Variants in SLC35F3 observed in about 807,000 individuals in gnomAD.
SLC35F3 encodes putative thiamine transporter SLC35F3.
In SLC35F3, 25 loss-of-function variants were observed where a neutral mutation model predicts 49.9. The observed-to-expected ratio is 0.50, with a 90% CI of 0.37 to 0.70. The LOEUF (loss-of-function observed/expected upper bound fraction) is 0.70, where lower values mean the gene tolerates loss of function less well. Ranked by LOEUF, SLC35F3 falls within the 30% of genes least tolerant of loss-of-function variation. The probability of loss-of-function intolerance (pLI) is 0.00; values close to 1 mark genes in which losing one functional copy is unlikely to be tolerated. For synonymous variants in SLC35F3, 275 were observed against 265.4 expected, an observed-to-expected ratio of 1.04 and a Z score of -0.35; for missense variants, 525 against 639.8, an observed-to-expected ratio of 0.82 and a Z score of 1.94.
intron 2 of SLC35F3, among the ~76,000 whole-genome samples, chr1:234,070,327 A>G (rs926644586): frequency 6.6e-6 from 1 of 152,206 alleles, no homozygotes; most frequent in Non-Finnish European, 1.5e-5. Context: ...TACTTCATTA[A>G]TGCTGACATG....
intron 3 of SLC35F3, among the ~76,000 whole-genome samples, chr1:234,263,297 A>G (rs1283651966): frequency 6.6e-6 from 1 of 152,220 alleles, no homozygotes; most frequent in Non-Finnish European, 1.5e-5. Context: ...TTTTAAAAGA[A>G]CAAAAATTTT....
intron 2 of SLC35F3, among the ~76,000 whole-genome samples, chr1:233,930,979 A>G (rs1217971533): frequency 1.3e-5 from 2 of 152,158 alleles, no homozygotes; most frequent in African/African-American, 2.4e-5. Context: ...CTCAGAAATA[A>G]CACCACACAT....
At chr1:234,108,696 T>A (rs58036541) in intron 2 of SLC35F3, among the ~76,000 whole-genome samples, 1 of 108,578 alleles carries the variant, frequency 9.2e-6, no homozygotes, top group Non-Finnish European at 1.7e-5. Flanking sequence ...ATATATAAAA[T>A]ATATATTATA....
rs1667096954 is a variant in SLC35F3, at chr1:234,214,790, G to A, written c.284-16627G>A. 4 of 548,384 alleles carry A rather than the reference G, an allele frequency of 7.3e-6. No individual in the cohort carries two copies. The East Asian group carries it at 1.4e-4, about 19-fold the overall frequency. 34.0% of individuals were successfully genotyped at this position (548,384 alleles called of 1,614,324 possible). A position where few individuals can be genotyped will look rare whatever the true frequency, so the allele number is the denominator to read the frequency against. On this transcript the variant is annotated intron_variant, in intron 2 of 7. Coordinates refer to ENST00000366618, the MANE Select transcript of SLC35F3 (RefSeq NM_173508.4). The surrounding 1 kb of genome is among the most constrained non-coding windows in gnomAD (Gnocchi z 8.0). Reference sequence around the variant, plus strand: ...CTGGCGAGCAGGAGTGAGCTGCTGCGGCGAGTGAGCACCCGGCTCCCCAAC... The same window carrying A: ...CTGGCGAGCAGGAGTGAGCTGCTGCAGCGAGTGAGCACCCGGCTCCCCAAC...
At chr1:233,926,592 T>C (rs776933612) in intron 2 of SLC35F3, among the ~76,000 whole-genome samples, 13 of 152,222 alleles carry the variant, frequency 8.5e-5, no homozygotes, top group Admixed American at 1.3e-4. Flanking sequence ...CTCCTTTAGC[T>C]TGGAGAAGTT....
chr1:233,960,079 G>T (rs1295004557), intron 2 of SLC35F3, among the ~76,000 whole-genome samples: 4 of 152,230 alleles, frequency 2.6e-5, no homozygotes, highest in African/African-American at 9.6e-5. Flanking sequence ...AACTGAGCAA[G>T]ATTGTTGCAA....
intron 2 of SLC35F3, among the ~76,000 whole-genome samples, chr1:233,934,247 G>A (rs1662290850): frequency 6.6e-6 from 1 of 152,066 alleles, no homozygotes; most frequent in Non-Finnish European, 1.5e-5. Context: ...AGGTTTTAGG[G>A]GAAACTGAGT....
At chr1:233,947,376 G>A (rs1298143862) in intron 2 of SLC35F3, among the ~76,000 whole-genome samples, 1 of 152,012 alleles carries the variant, frequency 6.6e-6, no homozygotes, top group African/African-American at 2.4e-5. Context: ...GAAAGAGAAT[G>A]TGTGAATGTG....
chr1:233,905,840 G>A, intron 2 of SLC35F3, 82 bp downstream of exon 2: 1 of 1,327,118 alleles, frequency 7.5e-7, no homozygotes. Flanking sequence ...AGCGCACGCA[G>A]TGAGGCGTCC....
At chr1:234,144,987 G>A (rs1016138390) in intron 2 of SLC35F3, among the ~76,000 whole-genome samples, 2 of 152,110 alleles carry the variant, frequency 1.3e-5, no homozygotes, top group African/African-American at 4.8e-5. Context: ...CATCTTCTCC[G>A]CAGCACTGAT....
chr1:233,979,370 G>A (rs57860377), intron 2 of SLC35F3, among the ~76,000 whole-genome samples: 7,671 of 152,260 alleles, frequency 0.05, 366 homozygotes, highest in East Asian at 0.23. Flanking sequence ...ATAAAAGCAG[G>A]CATATGGTGA....
chr1:234,288,549 G>T (rs571542414), intron 3 of SLC35F3, among the ~76,000 whole-genome samples: 40 of 152,286 alleles, frequency 2.6e-4, no homozygotes, highest in Admixed American at 1.1e-3. Context: ...AGCCTCAAAG[G>T]ATTTCCCATA....
intron 2 of SLC35F3, among the ~76,000 whole-genome samples, chr1:234,112,356 A>G (rs1211130271): frequency 1.3e-5 from 2 of 152,000 alleles, no homozygotes; most frequent in African/African-American, 4.8e-5. Flanking sequence ...CCTGTCACAA[A>G]CAAAACAAAA....
intron 2 of SLC35F3, among the ~76,000 whole-genome samples, chr1:233,998,142 C>T (rs922861391): frequency 1.3e-5 from 2 of 152,134 alleles, no homozygotes; most frequent in African/African-American, 2.4e-5. Flanking sequence ...TATGGTTCTG[C>T]GTGTTTAAAT....
chr1:234,065,264 A>G (rs578152428), intron 2 of SLC35F3, among the ~76,000 whole-genome samples: 34 of 152,132 alleles, frequency 2.2e-4, no homozygotes, highest in African/African-American at 8.0e-4. Context: ...CTCCTGCCTC[A>G]GCCTCCTGAG....
In SLC35F3 at chr1:234,128,448, C is replaced by T. The variant is rs145494968; in HGVS notation, c.284-102969C>T. 3.1e-3 allele frequency among the ~76,000 whole-genome samples: 478 copies of T among 152,272 alleles called. 5 individuals are homozygous for T. The highest frequency in any genetic ancestry group is 0.011 in the African/African-American group (458 of 41,548). ...TGGGTTAGAAGGTGCTGGCCAGTTGCATGCCTGCTCTGAAAGTTAGCATCT... is the reference window on the plus strand; with the variant it reads ...TGGGTTAGAAGGTGCTGGCCAGTTGTATGCCTGCTCTGAAAGTTAGCATCT... On this transcript the variant is annotated intron_variant, in intron 2 of 7. Coordinates refer to ENST00000366618, the MANE Select transcript of SLC35F3 (RefSeq NM_173508.4).
chr1:234,277,422 C>G (rs992798233), intron 3 of SLC35F3, among the ~76,000 whole-genome samples: 4 of 152,236 alleles, frequency 2.6e-5, no homozygotes, highest in Non-Finnish European at 5.9e-5. Flanking sequence ...GCCAGAATCT[C>G]TAGCCCAAAG....
At chr1:233,985,209 C>G (rs1663247876) in intron 2 of SLC35F3, among the ~76,000 whole-genome samples, 1 of 152,180 alleles carries the variant, frequency 6.6e-6, no homozygotes, top group African/African-American at 2.4e-5. Flanking sequence ...CATATGTCGT[C>G]ATATCTTCTG....
At chr1:234,283,573 A>C (rs1172872942) in intron 3 of SLC35F3, among the ~76,000 whole-genome samples, 1 of 152,244 alleles carries the variant, frequency 6.6e-6, no homozygotes, top group East Asian at 1.9e-4. Context: ...GGGAGATTTA[A>C]TGGACTGCAT....
Sources: gnomAD v4.1 joint callset for allele counts (sites outside exome capture counted in the v4.1 genomes callset) on GRCh38, gnomAD v4.1.1 for gene constraint, Gnocchi (gnomAD v3.1) non-coding constraint, MANE v1.5 for transcripts, NCBI Gene and HGNC (gene_info 2026-07-23, HGNC 2026-07-21) for gene names.